The following CDH20 variants were observed in gnomAD, a reference collection of about 807,000 sequenced individuals.
CDH20 encodes the protein cadherin-20.
In CDH20, 29 loss-of-function variants were observed where a neutral mutation model predicts 74.2. The observed-to-expected ratio is 0.39, with a 90% CI of 0.29 to 0.53. The LOEUF (loss-of-function observed/expected upper bound fraction) is 0.53. Ranked by LOEUF, CDH20 falls within the 20% of genes least tolerant of loss-of-function variation. The probability of loss-of-function intolerance (pLI) is 0.69; values close to 1 mark genes in which losing one functional copy is unlikely to be tolerated. For missense variants in CDH20, 988 were observed against 1,048.3 expected, an observed-to-expected ratio of 0.94 and a Z score of 0.79; for synonymous variants, 469 against 405.4, an observed-to-expected ratio of 1.16 and a Z score of -1.88.
chr18:61,514,886 A>C (rs1376660866), intron 6 of CDH20, among the ~76,000 whole-genome samples: 2 of 151,602 alleles, frequency 1.3e-5, no homozygotes, highest in African/African-American at 2.4e-5. Flanking sequence ...TGCTGGGAGA[A>C]CCACTGCTCT....
At chr18:61,483,868 T>G (rs1274625699) in intron 1 of CDH20, among the ~76,000 whole-genome samples, 1 of 152,218 alleles carries the variant, frequency 6.6e-6, no homozygotes, top group Non-Finnish European at 1.5e-5. Context: ...TCTTCAAGAT[T>G]GCATAGATAG....
chr18:61,456,915 C>T (rs7236266), intron 1 of CDH20, among the ~76,000 whole-genome samples: 83,019 of 151,930 alleles, frequency 0.55, 23,890 homozygotes, highest in African/African-American at 0.74. Flanking sequence ...TATCTCCTTT[C>T]ATTAGGCCAC....
At chr18:61,445,027 T>C (rs1909154130) in intron 1 of CDH20, among the ~76,000 whole-genome samples, 1 of 152,168 alleles carries the variant, frequency 6.6e-6, no homozygotes, top group Admixed American at 6.5e-5. Flanking sequence ...CATTTATTAA[T>C]ATCATCCATT....
chr18:61,514,204 T>C (rs1439018479), intron 6 of CDH20, among the ~76,000 whole-genome samples: 1 of 151,300 alleles, frequency 6.6e-6, no homozygotes, highest in African/African-American at 2.4e-5. Flanking sequence ...CATTTCTTTT[T>C]ATTCTTTTTT....
intron 1 of CDH20, among the ~76,000 whole-genome samples, chr18:61,342,493 G>T (rs1012149633): frequency 1.3e-5 from 2 of 152,158 alleles, no homozygotes; most frequent in African/African-American, 2.4e-5. Context: ...CCCAAGCAGG[G>T]TTTCTCACCC....
At chr18:61,400,501 C>CT (rs1174629680) in intron 1 of CDH20, among the ~76,000 whole-genome samples, 1 of 152,136 alleles carries the variant, frequency 6.6e-6, no homozygotes, top group African/African-American at 2.4e-5. Flanking sequence ...TGAAAATGAG[C>CT]AAAGGGAGAT....
At chr18:61,412,381 T>C (rs1442899468) in intron 1 of CDH20, among the ~76,000 whole-genome samples, 1 of 152,154 alleles carries the variant, frequency 6.6e-6, no homozygotes, top group African/African-American at 2.4e-5. Flanking sequence ...CTGTTGAGGG[T>C]GTAAATTGGT....
intron 6 of CDH20, among the ~76,000 whole-genome samples, chr18:61,527,373 A>AGATAGATAGATAGATAGAT (rs71178978): frequency 0.12 from 14,901 of 123,746 alleles, 918 homozygotes; most frequent in Admixed American, 0.19. Context: ...TCTAATAGAT[A>AGATAGATAGATAGATAGAT]GATAGATAGA....
In CDH20 at chr18:61,338,860, TTTC is replaced by T. The variant is rs146734657; in HGVS notation, c.-153+5042_-153+5044del. On this transcript the variant is annotated intron_variant, in intron 1 of 11. Transcript: ENST00000262717. ...AAAGAGGTATCTTGCATGGGAGCCCTTTCTTCTTCTTTATAGTTCTACAACTCC... is the reference window on the plus strand; with the variant it reads ...AAAGAGGTATCTTGCATGGGAGCCCTTTCTTCTTTATAGTTCTACAACTCC... Among the ~76,000 whole-genome samples the T allele has an allele frequency of 4.2e-3, 638 of 152,308 alleles. 2 individuals carry two copies. The highest frequency in any genetic ancestry group is 7.4e-3 in the Admixed American group (113 of 15,294).
chr18:61,547,081 C>T (rs1488770955), intron 10 of CDH20, among the ~76,000 whole-genome samples: 1 of 152,188 alleles, frequency 6.6e-6, no homozygotes, highest in Non-Finnish European at 1.5e-5. Flanking sequence ...GTAGTCACAG[C>T]TAGTTGGGAG....
At chr18:61,480,468 G>T (rs1319823520) in intron 1 of CDH20, among the ~76,000 whole-genome samples, 2 of 152,202 alleles carry the variant, frequency 1.3e-5, no homozygotes, top group Admixed American at 1.3e-4. Flanking sequence ...ATGTACATTG[G>T]TTCTGTCCAG....
At chr18:61,366,700 T>G (rs1599039061) in intron 1 of CDH20, among the ~76,000 whole-genome samples, 1 of 152,272 alleles carries the variant, frequency 6.6e-6, no homozygotes, top group Admixed American at 6.5e-5. Flanking sequence ...TGAATGCTAC[T>G]TGAAGATTTA....
chr18:61,366,682 G>A (rs1443042308), intron 1 of CDH20, among the ~76,000 whole-genome samples: 1 of 152,000 alleles, frequency 6.6e-6, no homozygotes, highest in Non-Finnish European at 1.5e-5. Flanking sequence ...AATTAGTCTA[G>A]AAAAATTTGA....
At chr18:61,412,170 G>T (rs1912533963) in intron 1 of CDH20, among the ~76,000 whole-genome samples, 1 of 151,694 alleles carries the variant, frequency 6.6e-6, no homozygotes, top group Non-Finnish European at 1.5e-5. Flanking sequence ...CAGTTAAAAA[G>T]ATATAATTTA....
intron 1 of CDH20, among the ~76,000 whole-genome samples, chr18:61,377,973 A>G (rs963421662): frequency 1.3e-5 from 2 of 152,130 alleles, no homozygotes; most frequent in African/African-American, 2.4e-5. Flanking sequence ...GGAGAAATCT[A>G]TACCTTTCTT....
chr18:61,474,615 G>A (rs1910301592), intron 1 of CDH20, among the ~76,000 whole-genome samples: 1 of 152,162 alleles, frequency 6.6e-6, no homozygotes, highest in Admixed American at 6.5e-5. Context: ...ATGTTATATT[G>A]CTGAATCGTT....
chr18:61,362,010 G>A lies in CDH20; in HGVS notation c.-153+28183G>A, dbSNP rs550603473. ...TTAGTTATTAATCTCCATTTTACAG[G>A]AGAAGAAATTCATCTCCAGGGAGGG... is the stretch of plus-strand genomic sequence containing the variant. On this transcript the variant is annotated intron_variant, in intron 1 of 11. Coordinates refer to ENST00000262717, the MANE Select transcript of CDH20 (RefSeq NM_031891.4). 5.3e-4 allele frequency among the ~76,000 whole-genome samples: 80 copies of A among 152,210 alleles called. 1 individual carries two copies. The South Asian group carries it at 0.016, about 31-fold the overall frequency.
chr18:61,442,558 T>C (rs1222617485), intron 1 of CDH20, among the ~76,000 whole-genome samples: 2 of 152,034 alleles, frequency 1.3e-5, no homozygotes, highest in East Asian at 3.9e-4. Context: ...GTATACTTCA[T>C]ATGGCACAGA....
intron 1 of CDH20, among the ~76,000 whole-genome samples, chr18:61,418,485 C>T (rs1276782395): frequency 7.6e-6 from 1 of 131,126 alleles, no homozygotes; most frequent in Non-Finnish European, 1.5e-5. Context: ...ACCCGGGAGG[C>T]GGAGTTTGCA....
Sources: gnomAD v4.1 joint callset for allele counts (sites outside exome capture counted in the v4.1 genomes callset) on GRCh38, gnomAD v4.1.1 for gene constraint, MANE v1.5 for transcripts, NCBI Gene and HGNC (gene_info 2026-07-23, HGNC 2026-07-21) for gene names.